The following PEX14 variants were observed in gnomAD, a reference collection of about 807,000 sequenced individuals.
PEX14 encodes the protein peroxisomal biogenesis factor 14, also known as peroxisomal membrane protein PEX14.
Under a neutral mutation model 49.5 loss-of-function variants are expected in PEX14, and 15 were observed. That is an observed-to-expected ratio of 0.30 (90% CI 0.20 to 0.47). The LOEUF is 0.47. Ranked by LOEUF, PEX14 falls within the 20% of genes least tolerant of loss-of-function variation. The pLI, the probability that PEX14 is intolerant of heterozygous loss-of-function variation, is 1.00. For synonymous variants in PEX14, 210 were observed against 212.7 expected (o/e 0.99, Z 0.11); for missense variants, 398 against 494.8 (o/e 0.80, Z 1.86).
chr1:10,551,297 C>G (rs1277248509), intron 3 of PEX14, among the ~76,000 whole-genome samples: 1 of 152,164 alleles, frequency 6.6e-6, no homozygotes, highest in Non-Finnish European at 1.5e-5. Context: ...TCCTTGCTGT[C>G]CATGTGGAAA....
rs534461019 is a variant in PEX14, at chr1:10,495,144, C to T, written c.37-130C>T. ...AGTCCACTGCAAAATACTCTTGTGT[C>T]GTGAAAAACCAGTGAGAGATGTGAG... On this transcript the variant is annotated intron_variant, in intron 1 of 8. Coordinates refer to ENST00000356607, the MANE Select transcript of PEX14 (RefSeq NM_004565.3). The surrounding 1 kb of genome is among the most constrained non-coding windows in gnomAD (Gnocchi z 4.2). The T allele has an allele frequency of 1.9e-4, 291 of 1,556,702 alleles. No individual in the cohort carries two copies. Among genetic ancestry groups the T allele is most frequent in the Non-Finnish European group, 2.1e-4 (237 of 1,148,306 alleles).
At chr1:10,492,954 C>G (rs891789696) in intron 1 of PEX14, among the ~76,000 whole-genome samples, 4 of 152,184 alleles carry the variant, frequency 2.6e-5, no homozygotes, top group Non-Finnish European at 5.9e-5. Context: ...ACAGGGAGAT[C>G]TGACCTAGTC....
Position 10,623,057 on chromosome 1 carries a change from C to T in PEX14, c.423C>T (p.Asp141=). Residue 141 remains aspartate, a synonymous_variant, in exon 6 of 9, where the codon GAC becomes GAT. Coordinates refer to ENST00000356607, the MANE Select transcript of PEX14 (RefSeq NM_004565.3). The surrounding 1 kb of genome is among the most constrained non-coding windows in gnomAD (Gnocchi z 4.4). ...CCCTCATCCTGGGCGGCCGAGAGGA[C>T]AGAAAGCAGCTGGAGAGGATGGAGG... The part of the protein sequence containing the change: ...LLPLILGGRE[D]RKQLERMEAG... 6.2e-7 allele frequency: 1 copy of T among 1,614,022 alleles called. No homozygotes were observed. The highest frequency in any genetic ancestry group is 8.5e-7 in the Non-Finnish European group (1 of 1,179,974).
intron 1 of PEX14, among the ~76,000 whole-genome samples, chr1:10,487,943 G>T (rs971517386): frequency 6.6e-6 from 1 of 151,794 alleles, no homozygotes; most frequent in African/African-American, 2.4e-5. Flanking sequence ...ACCACACCTG[G>T]CTAATTTTTG....
chr1:10,541,870 C>G (rs1639025555), intron 3 of PEX14, among the ~76,000 whole-genome samples: 1 of 152,164 alleles, frequency 6.6e-6, no homozygotes, highest in Non-Finnish European at 1.5e-5. Context: ...CTTGCTGCCC[C>G]AAGAAGGCTG....
At chr1:10,538,646 G>A (rs1052150396) in intron 3 of PEX14, among the ~76,000 whole-genome samples, 1 of 152,252 alleles carries the variant, frequency 6.6e-6, no homozygotes, top group Non-Finnish European at 1.5e-5. Context: ...CAAATTTCGG[G>A]CTGTTCCAGG....
intron 3 of PEX14, among the ~76,000 whole-genome samples, chr1:10,586,075 G>GTTTCAAAACTTC (rs912167461): frequency 6.6e-6 from 1 of 152,196 alleles, no homozygotes; most frequent in East Asian, 1.9e-4. Flanking sequence ...ATAATGGGAC[G>GTTTCAAAACTTC]TTTCAAAACT....
intron 3 of PEX14, among the ~76,000 whole-genome samples, chr1:10,573,862 A>G (rs531469613): frequency 1.3e-5 from 2 of 152,350 alleles, no homozygotes; most frequent in East Asian, 3.9e-4. Flanking sequence ...GCACTTTGGG[A>G]GGCTGAGGTG....
chr1:10,536,183 T>C (rs1354621278), intron 2 of PEX14, 30 bp from the exon 3 acceptor site: 1 of 1,362,692 alleles, frequency 7.3e-7, no homozygotes, highest in Admixed American at 1.7e-5. Context: ...TGAAGTGAAG[T>C]TTACTCCTCT....
intron 2 of PEX14, among the ~76,000 whole-genome samples, chr1:10,525,940 G>A (rs1308206287): frequency 1.6e-5 from 1 of 62,248 alleles, no homozygotes; most frequent in Non-Finnish European, 3.2e-5. Context: ...TTTTTTTTTT[G>A]AGACAGAGTC....
chr1:10,491,192 A>G (rs1036802073), intron 1 of PEX14, among the ~76,000 whole-genome samples: 3 of 151,830 alleles, frequency 2.0e-5, no homozygotes, highest in Non-Finnish European at 2.9e-5. Context: ...AACAGCTAGC[A>G]TGGTGGAAGA....
chr1:10,551,323 T>C (rs1639327230), intron 3 of PEX14, among the ~76,000 whole-genome samples: 1 of 152,212 alleles, frequency 6.6e-6, no homozygotes, highest in African/African-American at 2.4e-5. Context: ...CTTTTTATAA[T>C]GTTAAACAAA....
At chr1:10,506,519 C>T (rs899073821) in intron 2 of PEX14, among the ~76,000 whole-genome samples, 7 of 152,088 alleles carry the variant, frequency 4.6e-5, no homozygotes, top group African/African-American at 1.4e-4. Context: ...TCAGGTGATC[C>T]GCCCGCCTCG....
At chr1:10,508,125 A>G (rs1218166124) in intron 2 of PEX14, among the ~76,000 whole-genome samples, 2 of 152,204 alleles carry the variant, frequency 1.3e-5, no homozygotes, top group Admixed American at 1.3e-4. Context: ...CTAGTCTTAC[A>G]GAGGTTTCTC....
At chr1:10,549,093 C>G (rs1415647780) in intron 3 of PEX14, among the ~76,000 whole-genome samples, 19 of 152,024 alleles carry the variant, frequency 1.2e-4, no homozygotes, top group South Asian at 6.2e-4. Context: ...GGCTTTCATT[C>G]ATGAAGTTCA....
intron 2 of PEX14, among the ~76,000 whole-genome samples, chr1:10,496,046 C>T (rs1641554455): frequency 6.6e-6 from 1 of 152,222 alleles, no homozygotes; most frequent in Admixed American, 6.5e-5. Flanking sequence ...AGGCGTAGGG[C>T]TGTACTGCCA....
In PEX14 at chr1:10,629,586, G is replaced by T; in HGVS notation, c.733G>T (p.Val245Phe). 2 of 1,613,988 alleles carry T rather than the reference G, an allele frequency of 1.2e-6. No individual in the cohort carries two copies. Among genetic ancestry groups the T allele is most frequent in the South Asian group, 2.2e-5 (2 of 91,084 alleles). ...APKIPSWQIP[V>F]KSPSPSSPAA... ...GAAGATCCCCTCCTGGCAGATCCCA[G>T]TCAAGTCACCGTCACCCTCCAGCCC... is the stretch of plus-strand genomic sequence containing the variant. Residue 245 changes from valine to phenylalanine, a missense_variant, in exon 9 of 9, where the codon GTC (valine) becomes TTC (phenylalanine). Around this residue, in one of 3 missense-constraint regions of PEX14, gnomAD observed 202 missense variants for 298.5 expected, o/e 0.68. Transcript: ENST00000356607. This position sits in a 1 kb window ranked among gnomAD's most constrained non-coding sequence, Gnocchi z 8.5.
In PEX14 at chr1:10,623,291, A is replaced by T. The variant is rs1177583770; in HGVS notation, c.487+170A>T. Reference sequence around the variant, plus strand: ...GCCGCCGTCATTTCGGTTTAATTTGAAATTGCTTGTTTACTGTCGGCGCGG... The same window carrying T: ...GCCGCCGTCATTTCGGTTTAATTTGTAATTGCTTGTTTACTGTCGGCGCGG... On this transcript the variant is annotated intron_variant, in intron 6 of 8. Coordinates refer to ENST00000356607, the MANE Select transcript of PEX14 (RefSeq NM_004565.3). The surrounding 1 kb of genome is among the most constrained non-coding windows in gnomAD (Gnocchi z 4.4). 1 of 643,620 alleles carries T rather than the reference A, an allele frequency of 1.6e-6. No homozygotes were observed. The highest frequency in any genetic ancestry group is 2.9e-6 in the Non-Finnish European group (1 of 349,056). 39.9% of individuals were successfully genotyped at this position (643,620 alleles called of 1,614,324 possible). A position where few individuals can be genotyped will look rare whatever the true frequency, so the allele number is the denominator to read the frequency against.
intron 1 of PEX14, among the ~76,000 whole-genome samples, chr1:10,475,743 C>T (rs1570119093): frequency 6.6e-6 from 1 of 152,168 alleles, no homozygotes; most frequent in Non-Finnish European, 1.5e-5. Context: ...ATGATAAGGT[C>T]TCCGAAGGGG....
Sources: gnomAD v4.1 joint callset for allele counts (sites outside exome capture counted in the v4.1 genomes callset) on GRCh38, gnomAD v4.1.1 for gene constraint, gnomAD v4.1.1 regional missense constraint, Gnocchi (gnomAD v3.1) non-coding constraint, MANE v1.5 for transcripts, NCBI Gene and HGNC (gene_info 2026-07-23, HGNC 2026-07-21) for gene names.